The following EPS8 variants were observed in gnomAD, a reference collection of about 807,000 sequenced individuals.
EPS8 encodes EGFR pathway substrate 8, signaling adaptor, also known as epidermal growth factor receptor kinase substrate 8.
EPS8 carries 42 observed loss-of-function variants against 103.8 expected under a neutral mutation model. The ratio of observed to expected loss-of-function variants is 0.40; its 90% CI spans 0.32 to 0.52. The LOEUF (loss-of-function observed/expected upper bound fraction) is 0.52, where lower values mean the gene tolerates loss of function less well. EPS8 is among the 20% of genes least tolerant of loss of function. The probability of loss-of-function intolerance (pLI) is 0.40; values close to 1 mark genes in which losing one functional copy is unlikely to be tolerated. For missense variants in EPS8, 969 were observed against 1,005.1 expected (o/e 0.96, Z 0.49); for synonymous variants, 344 against 344.6 (o/e 1.00, Z 0.02).
intron 1 of EPS8, chr12:15,782,115 A>G (rs1947266151): frequency 6.6e-6 from 1 of 152,218 alleles, no homozygotes; most frequent in African/African-American, 2.4e-5. Context: ...TTGAAAAGCC[A>G]GGTTTGAACT....
Position 15,747,881 on chromosome 12 carries a change from G to T in EPS8, c.-22+41280C>A, listed in dbSNP as rs1006298241. 2.6e-5 allele frequency among the ~76,000 whole-genome samples: 4 copies of T among 152,036 alleles called. No individual in the cohort carries two copies. The highest frequency in any genetic ancestry group is 5.9e-5 in the Non-Finnish European group (4 of 68,000). On this transcript the variant is annotated intron_variant, in intron 1 of 20. Coordinates refer to ENST00000281172, the MANE Select transcript of EPS8 (RefSeq NM_004447.6). The surrounding 1 kb of genome is among the most constrained non-coding windows in gnomAD (Gnocchi z 4.4). Reference sequence around the variant, plus strand: ...TAAAAATACAAAGAATTAGCCGGACGTGGTGGCAGGCACCTGTAGTCCCAG... The same window carrying T: ...TAAAAATACAAAGAATTAGCCGGACTTGGTGGCAGGCACCTGTAGTCCCAG...
At chr12:15,770,625 CTT>C (rs1173278772) in intron 1 of EPS8, among the ~76,000 whole-genome samples, 1 of 152,098 alleles carries the variant, frequency 6.6e-6, no homozygotes, top group Non-Finnish European at 1.5e-5. Context: ...CAATGGTTTA[CTT>C]ATTAAATCTG....
Position 15,731,904 on chromosome 12 carries a change from T to C in EPS8, c.-21-48932A>G, listed in dbSNP as rs1946720927. On this transcript the variant is annotated intron_variant, in intron 1 of 20. Coordinates refer to ENST00000281172, the MANE Select transcript of EPS8 (RefSeq NM_004447.6). This position sits in a 1 kb window ranked among gnomAD's most constrained non-coding sequence, Gnocchi z 5.1. Reference sequence around the variant, plus strand: ...GGAAGCTGGGTGGTTAATCACTATATATATCTGTTCCTTAAAATCTGATTT... The same window carrying C: ...GGAAGCTGGGTGGTTAATCACTATACATATCTGTTCCTTAAAATCTGATTT... 6.6e-6 allele frequency among the ~76,000 whole-genome samples: 1 copy of C among 152,094 alleles called. No homozygotes were observed. Among genetic ancestry groups the C allele is most frequent in the Non-Finnish European group, 1.5e-5 (1 of 68,034 alleles).
intron 18 of EPS8, among the ~76,000 whole-genome samples, chr12:15,629,391 C>T (rs894846147): frequency 2.0e-5 from 3 of 152,016 alleles, no homozygotes; most frequent in African/African-American, 4.8e-5. Flanking sequence ...GACGTCTCTA[C>T]GGAGGGAAAT....
intron 1 of EPS8, among the ~76,000 whole-genome samples, chr12:15,788,457 T>C (rs568224849): frequency 6.6e-6 from 1 of 152,240 alleles, no homozygotes; most frequent in African/African-American, 2.4e-5. Flanking sequence ...GCAAAGATTT[T>C]GCAAACAGGT....
At chr12:15,638,487 G>C (rs575615918) in intron 17 of EPS8, among the ~76,000 whole-genome samples, 1 of 152,240 alleles carries the variant, frequency 6.6e-6, no homozygotes, top group East Asian at 1.9e-4. Flanking sequence ...CCCTCAACCT[G>C]AACAGCATAC....
intron 1 of EPS8, among the ~76,000 whole-genome samples, chr12:15,689,802 A>G (rs758218287): frequency 1.5e-4 from 23 of 152,340 alleles, no homozygotes; most frequent in Middle Eastern, 6.8e-3. Flanking sequence ...GATTTCACTT[A>G]TACGCAGACT....
rs566668095 is a variant in EPS8, at chr12:15,700,826, G to A, written c.-21-17854C>T. ...TTTTCTTGGAAGGAAGTCCATACAA[G>A]TGCCATTTCTTTCAAACACTGATTA... On this transcript the variant is annotated intron_variant, in intron 1 of 20. Transcript: ENST00000281172. This position sits in a 1 kb window ranked among gnomAD's most constrained non-coding sequence, Gnocchi z 5.1. 1.1e-4 allele frequency among the ~76,000 whole-genome samples: 17 copies of A among 152,130 alleles called. No homozygotes were observed. The highest frequency in any genetic ancestry group is 2.4e-4 in the Non-Finnish European group (16 of 68,004).
At chr12:15,715,892 A>AG (rs1946528249) in intron 1 of EPS8, among the ~76,000 whole-genome samples, 2 of 152,122 alleles carry the variant, frequency 1.3e-5, no homozygotes, top group African/African-American at 4.8e-5. Flanking sequence ...GGGAAAAAAA[A>AG]AAACACGGCA....
Position 15,781,614 on chromosome 12 carries a change from C to T in EPS8, c.-22+7547G>A, listed in dbSNP as rs1947261652. 6.6e-6 allele frequency: 1 copy of T among 152,240 alleles called. No homozygotes were observed. The highest frequency in any genetic ancestry group is 6.5e-5 in the Admixed American group (1 of 15,282). The allele number at this position is 152,240 out of a possible 1,614,324, so 9.4% of individuals were successfully genotyped here. ...AGCTGCTCCACCTGCTTCTTGAAGA[C>T]TACTGGTTCTAACTTTAGTGCAACA... On this transcript the variant is annotated intron_variant, in intron 1 of 20. Coordinates refer to ENST00000281172, the MANE Select transcript of EPS8 (RefSeq NM_004447.6). The surrounding 1 kb of genome is among the most constrained non-coding windows in gnomAD (Gnocchi z 4.1).
At chr12:15,741,957 T>C (rs1342758210) in intron 1 of EPS8, among the ~76,000 whole-genome samples, 1 of 152,196 alleles carries the variant, frequency 6.6e-6, no homozygotes, top group Non-Finnish European at 1.5e-5. Context: ...AGTGAGAACA[T>C]GCAGTGTTTG....
rs1013570558 is a variant in EPS8 at position 15,725,109 on chromosome 12, T to C, written c.-21-42137A>G. Reference sequence around the variant, plus strand: ...TCCACTTTCTTTTTCAAGGTAAATGTCATTCTGCATTCCAATAGGATACCA... The same window carrying C: ...TCCACTTTCTTTTTCAAGGTAAATGCCATTCTGCATTCCAATAGGATACCA... On this transcript the variant is annotated intron_variant, in intron 1 of 20. Transcript: ENST00000281172. The surrounding 1 kb of genome is among the most constrained non-coding windows in gnomAD (Gnocchi z 4.5). 6.6e-6 allele frequency among the ~76,000 whole-genome samples: 1 copy of C among 152,118 alleles called. No individual in the cohort carries two copies. Among genetic ancestry groups the C allele is most frequent in the Non-Finnish European group, 1.5e-5 (1 of 68,018 alleles).
intron 18 of EPS8, among the ~76,000 whole-genome samples, chr12:15,629,022 A>C (rs1322104955): frequency 6.6e-6 from 1 of 152,236 alleles, no homozygotes; most frequent in East Asian, 1.9e-4. Context: ...TTTTTGAGAT[A>C]TTTTAAAAAG....
At chr12:15,719,782 C>T (rs1288159937) in intron 1 of EPS8, among the ~76,000 whole-genome samples, 1 of 152,156 alleles carries the variant, frequency 6.6e-6, no homozygotes, top group Non-Finnish European at 1.5e-5. Context: ...ATTCTCCTAA[C>T]CAAGTCTTAA....
In EPS8 at chr12:15,775,119, G is replaced by C. The variant is rs549025196; in HGVS notation, c.-22+14042C>G. 3.9e-5 allele frequency among the ~76,000 whole-genome samples: 6 copies of C among 152,170 alleles called. No individual in the cohort carries two copies. In the South Asian group the frequency reaches 1.2e-3, roughly 32 times the overall value. ...GAAGGAGTCCACATTTTCCTTGCTT[G>C]CAAGTGAAATGCAAAAACAATTTTG... is the stretch of plus-strand genomic sequence containing the variant. On this transcript the variant is annotated intron_variant, in intron 1 of 20. Transcript: ENST00000281172.
In EPS8 at chr12:15,716,268, GT is replaced by G. The variant is rs150340705; in HGVS notation, c.-21-33297del. ...TCCTAATAGTAAGTTAACAGGTACA[GT>G]TAATACCCTGCTGTTAAACAAAATT... On this transcript the variant is annotated intron_variant, in intron 1 of 20. Coordinates refer to ENST00000281172, the MANE Select transcript of EPS8 (RefSeq NM_004447.6). This position sits in a 1 kb window ranked among gnomAD's most constrained non-coding sequence, Gnocchi z 5.0. 0.01 allele frequency among the ~76,000 whole-genome samples: 1,570 copies of G among 152,184 alleles called. 29 individuals are homozygous for G. The highest frequency in any genetic ancestry group is 0.035 in the African/African-American group (1,467 of 41,502).
intron 1 of EPS8, among the ~76,000 whole-genome samples, chr12:15,712,021 TAAC>T (rs1946472068): frequency 6.6e-6 from 1 of 152,092 alleles, no homozygotes; most frequent in African/African-American, 2.4e-5. Context: ...GACAGAATAA[TAAC>T]AAAAAAGTTC....
chr12:15,676,088 C>T (rs757268850), intron 3 of EPS8, among the ~76,000 whole-genome samples: 4 of 151,678 alleles, frequency 2.6e-5, no homozygotes, highest in South Asian at 2.1e-4. Flanking sequence ...CTGGCTAACA[C>T]GGTGAAACCC....
In EPS8 at chr12:15,764,121, G is replaced by A. The variant is rs1019122797; in HGVS notation, c.-22+25040C>T. Among the ~76,000 whole-genome samples, 1 of 152,136 alleles carries A rather than the reference G, an allele frequency of 6.6e-6. No individual in the cohort carries two copies. Among genetic ancestry groups the A allele is most frequent in the African/African-American group, 2.4e-5 (1 of 41,402 alleles). On this transcript the variant is annotated intron_variant, in intron 1 of 20. Transcript: ENST00000281172. This position sits in a 1 kb window ranked among gnomAD's most constrained non-coding sequence, Gnocchi z 4.1. The stretch of plus-strand genomic sequence containing the variant: ...CTCATAATCATGTCCAAAGGTGAAG[G>A]AGGAGCAAAGTAACATCTTACATGG...
Sources: gnomAD v4.1 joint callset for allele counts (sites outside exome capture counted in the v4.1 genomes callset) on GRCh38, gnomAD v4.1.1 for gene constraint, Gnocchi (gnomAD v3.1) non-coding constraint, MANE v1.5 for transcripts, NCBI Gene and HGNC (gene_info 2026-07-23, HGNC 2026-07-21) for gene names.